NEK11: variants seen among roughly 807,000 people sequenced by gnomAD.
NEK11 encodes serine/threonine-protein kinase Nek11.
NEK11 carries 72 observed loss-of-function variants against 80.7 expected under a neutral mutation model. That is an observed-to-expected ratio of 0.89 (90% CI 0.74 to 1.08). The LOEUF (loss-of-function observed/expected upper bound fraction) is 1.08. Among genes scored for constraint, NEK11 ranks in the 50% least tolerant of loss-of-function variants. NEK11 has a pLI of 0.00. For missense variants in NEK11, 764 were observed against 763.6 expected, an observed-to-expected ratio of 1.00 and a Z score of -0.01; for synonymous variants, 251 against 260.7, an observed-to-expected ratio of 0.96 and a Z score of 0.36.
chr3:131,259,611 T>C (rs868435511), intron 16 of NEK11, among the ~76,000 whole-genome samples: 1 of 152,122 alleles, frequency 6.6e-6, no homozygotes, highest in Middle Eastern at 3.4e-3. Context: ...GAGGGAGAAG[T>C]TGAGCAGTGA....
Position 131,047,358 on chromosome 3 carries a change from G to A in NEK11, c.170+17480G>A, listed in dbSNP as rs373208170. On this transcript the variant is annotated intron_variant, in intron 3 of 17. Transcript: ENST00000383366. ...TTGGGGGTGTTCACTTTGTTTTTTC[G>A]TATTACCAGGATTGTTTTTCTGGTG... Among the ~76,000 whole-genome samples, 16 of 152,024 alleles carry A rather than the reference G, an allele frequency of 1.1e-4. No individual in the cohort carries two copies. In the East Asian group the frequency reaches 1.2e-3, roughly 11 times the overall value.
rs565530722 is a variant in NEK11 at position 131,088,579 on chromosome 3, GT to G, written c.336+8000del. Among the ~76,000 whole-genome samples, 483 of 150,866 alleles carry G rather than the reference GT, an allele frequency of 3.2e-3. 1 individual carries two copies. The highest frequency in any genetic ancestry group is 0.01 in the African/African-American group (426 of 41,128). On this transcript the variant is annotated intron_variant, in intron 4 of 17. Transcript: ENST00000383366. ...GAATCACACTAATTTATTTCAAATG[GT>G]TTTTTTTTAAAAAACCCTGTGCTTT...
intron 15 of NEK11, among the ~76,000 whole-genome samples, chr3:131,237,485 A>G (rs182749749): frequency 6.6e-5 from 10 of 152,296 alleles, no homozygotes; most frequent in Admixed American, 5.9e-4. Context: ...TCAGCCTTAC[A>G]TATTTACATA....
At chr3:131,186,522 G>A (rs1284938151) in intron 14 of NEK11, among the ~76,000 whole-genome samples, 1 of 152,094 alleles carries the variant, frequency 6.6e-6, no homozygotes, top group Non-Finnish European at 1.5e-5. Flanking sequence ...CCCTCCTGTT[G>A]GTGCATCAGG....
chr3:131,340,064 A>G (rs1420312511), intron 17 of NEK11, among the ~76,000 whole-genome samples: 4 of 152,258 alleles, frequency 2.6e-5, no homozygotes, highest in Non-Finnish European at 5.9e-5. Flanking sequence ...ATGCTTTGTT[A>G]TCAGGCAGTG....
chr3:131,313,239 T>C (rs964176602), intron 17 of NEK11, among the ~76,000 whole-genome samples: 4 of 152,222 alleles, frequency 2.6e-5, no homozygotes, highest in African/African-American at 9.6e-5. Context: ...AGCATTGAGG[T>C]TGATTCCATG....
chr3:131,133,479 A>C, intron 6 of NEK11: 1 of 287,172 alleles, frequency 3.5e-6, no homozygotes, highest in Non-Finnish European at 6.7e-6. Flanking sequence ...CCTCAGGTGA[A>C]ATTGTATATC....
chr3:131,194,759 G>A (rs1006347084), intron 14 of NEK11, among the ~76,000 whole-genome samples: 1 of 151,930 alleles, frequency 6.6e-6, no homozygotes, highest in African/African-American at 2.4e-5. Flanking sequence ...TCATCCTACC[G>A]ATCATGCAAC....
chr3:131,237,826 C>T (rs1345395494), intron 15 of NEK11, among the ~76,000 whole-genome samples: 1 of 152,170 alleles, frequency 6.6e-6, no homozygotes, highest in Non-Finnish European at 1.5e-5. Flanking sequence ...ATAAGCAAAA[C>T]CTATTGGCTT....
intron 14 of NEK11, among the ~76,000 whole-genome samples, chr3:131,215,398 T>A (rs1024484524): frequency 2.6e-5 from 4 of 151,838 alleles, no homozygotes; most frequent in East Asian, 1.9e-4. Context: ...GTTGTGCACA[T>A]GTACCCTAGA....
chr3:131,345,706 A>C (rs1385928791), intron 17 of NEK11, among the ~76,000 whole-genome samples: 1 of 152,146 alleles, frequency 6.6e-6, no homozygotes, highest in African/African-American at 2.4e-5. Context: ...AGAAGAAAAT[A>C]CCACCCCATA....
intron 14 of NEK11, among the ~76,000 whole-genome samples, chr3:131,182,343 T>A (rs2093403358): frequency 6.6e-6 from 1 of 152,172 alleles, no homozygotes; most frequent in African/African-American, 2.4e-5. Flanking sequence ...TGTGTATAAG[T>A]GTGAGCAGTA....
chr3:131,040,785 G>A (rs1006121303), intron 3 of NEK11, among the ~76,000 whole-genome samples: 9 of 152,130 alleles, frequency 5.9e-5, no homozygotes, highest in South Asian at 4.1e-4. Context: ...TCTAAGAGTG[G>A]AAAATTTGGA....
intron 5 of NEK11, among the ~76,000 whole-genome samples, chr3:131,129,803 T>C (rs2084089750): frequency 6.6e-6 from 1 of 152,192 alleles, no homozygotes; most frequent in Non-Finnish European, 1.5e-5. Context: ...ATTGATTTTT[T>C]TTCTCTCCAA....
At chr3:131,142,241 C>T (rs1192689479) in intron 7 of NEK11, among the ~76,000 whole-genome samples, 2 of 152,184 alleles carry the variant, frequency 1.3e-5, no homozygotes, top group Non-Finnish European at 2.9e-5. Context: ...TATGCCAATT[C>T]CCCCTGTGGG....
chr3:131,121,428 G>A (rs1488817799), intron 5 of NEK11, among the ~76,000 whole-genome samples: 1 of 152,208 alleles, frequency 6.6e-6, no homozygotes, highest in African/African-American at 2.4e-5. Flanking sequence ...AGGCTACTCG[G>A]GGCTCAGGGC....
intron 14 of NEK11, among the ~76,000 whole-genome samples, chr3:131,205,506 T>C (rs541219700): frequency 6.6e-6 from 1 of 152,310 alleles, no homozygotes; most frequent in East Asian, 1.9e-4. Context: ...CATTTCCTTG[T>C]GCTTTGTGTC....
intron 14 of NEK11, among the ~76,000 whole-genome samples, chr3:131,179,789 C>A (rs4117157): frequency 1.5e-4 from 23 of 152,008 alleles, no homozygotes; most frequent in African/African-American, 5.5e-4. Flanking sequence ...TTAAAATAGA[C>A]GGCATATCAT....
chr3:131,119,215 A>G (rs975071032), intron 5 of NEK11, among the ~76,000 whole-genome samples: 1 of 152,102 alleles, frequency 6.6e-6, no homozygotes, highest in African/African-American at 2.4e-5. Context: ...TTCTGCCTTC[A>G]TTTTGTTATG....
Sources: allele counts gnomAD v4.1 joint callset (sites outside exome capture counted in the v4.1 genomes callset), GRCh38; gene constraint gnomAD v4.1.1; transcripts MANE v1.5; gene names NCBI Gene and HGNC (gene_info 2026-07-23, HGNC 2026-07-21).